COMMD1: variants seen among roughly 807,000 people sequenced by gnomAD.
COMMD1 encodes copper metabolism domain containing 1, also known as COMM domain-containing protein 1.
A neutral mutation model predicts 17.2 loss-of-function variants in COMMD1; 10 were observed. The observed-to-expected ratio is 0.58, with a 90% confidence interval of 0.36 to 0.99. The LOEUF (loss-of-function observed/expected upper bound fraction) is 0.99. COMMD1 is among the 50% of genes least tolerant of loss of function. The pLI, the probability that COMMD1 is intolerant of heterozygous loss-of-function variation, is 0.01. For missense variants in COMMD1, 270 were observed against 231.8 expected (o/e 1.17, Z -1.07); for synonymous variants, 97 against 91.6 (o/e 1.06, Z -0.34).
chr2:61,955,170 A>G (rs544763452), intron 1 of COMMD1, among the ~76,000 whole-genome samples: 13 of 151,996 alleles, frequency 8.6e-5, no homozygotes, highest in African/African-American at 3.1e-4. Context: ...AATCATTCCC[A>G]TATTTCTTTG....
chr2:62,009,755 C>T (rs569165795), intron 2 of COMMD1, among the ~76,000 whole-genome samples: 1 of 151,890 alleles, frequency 6.6e-6, no homozygotes, highest in African/African-American at 2.4e-5. Flanking sequence ...TGTAAACATA[C>T]TTTGTGGAGA....
In COMMD1 at chr2:62,019,023, T is replaced by TTCCCTCCC. The variant is rs201583202; in HGVS notation, c.462+18057_462+18064dup. Among the ~76,000 whole-genome samples the TTCCCTCCC allele has an allele frequency of 1.2e-4, 16 of 129,416 alleles. 1 individual carries two copies. Among genetic ancestry groups the TTCCCTCCC allele is most frequent in the African/African-American group, 4.6e-4 (12 of 25,874 alleles). The allele number at this position is 129,416 out of a possible 152,430, so 84.9% of individuals were successfully genotyped here. A position where few individuals can be genotyped will look rare whatever the true frequency, so the allele number is the denominator to read the frequency against. On this transcript the variant is annotated intron_variant, in intron 2 of 2. Transcript: ENST00000311832. ...CCACTCCTACAACCAACCAACCAAC[T>TTCCCTCCC]TCCCTCCCTCCCTCCCTCCCTCCTT...
At chr2:61,990,478 A>G (rs529299102) in intron 1 of COMMD1, among the ~76,000 whole-genome samples, 1 of 152,194 alleles carries the variant, frequency 6.6e-6, no homozygotes, top group Non-Finnish European at 1.5e-5. Flanking sequence ...CTTTGAGTCC[A>G]GGAGTTCAAG....
intron 2 of COMMD1, among the ~76,000 whole-genome samples, chr2:62,088,654 C>G (rs1015812006): frequency 1.3e-5 from 2 of 152,206 alleles, no homozygotes; most frequent in East Asian, 1.9e-4. Flanking sequence ...TCATTTACCT[C>G]TAGTCCTTCA....
intron 2 of COMMD1, among the ~76,000 whole-genome samples, chr2:62,122,576 G>A (rs547472070): frequency 6.6e-6 from 1 of 152,098 alleles, no homozygotes; most frequent in East Asian, 1.9e-4. Context: ...AAAGAATAGT[G>A]ATTACTCTTG....
chr2:61,957,365 A>G (rs988361515), intron 1 of COMMD1, among the ~76,000 whole-genome samples: 2 of 152,132 alleles, frequency 1.3e-5, no homozygotes, highest in African/African-American at 2.4e-5. Flanking sequence ...CATCAATTCC[A>G]TGAAACTATA....
At chr2:61,973,325 A>T (rs1671702077) in intron 1 of COMMD1, among the ~76,000 whole-genome samples, 1 of 152,204 alleles carries the variant, frequency 6.6e-6, no homozygotes, top group Non-Finnish European at 1.5e-5. Flanking sequence ...TTTTATAGAT[A>T]ATGCCAAAAT....
At chr2:61,963,891 C>G (rs914194603) in intron 1 of COMMD1, among the ~76,000 whole-genome samples, 1 of 152,180 alleles carries the variant, frequency 6.6e-6, no homozygotes, top group African/African-American at 2.4e-5. Flanking sequence ...TCAGTTGTGC[C>G]TGAGATCCTT....
chr2:62,012,942 C>T lies in COMMD1; in HGVS notation c.462+11960C>T, dbSNP rs569896530. 3.3e-5 allele frequency among the ~76,000 whole-genome samples: 5 copies of T among 152,152 alleles called. No individual in the cohort carries two copies. The South Asian group carries it at 1.0e-3, about 32-fold the overall frequency. On this transcript the variant is annotated intron_variant, in intron 2 of 2. Transcript: ENST00000311832. ...GCTTTGAATGACAAGAAGGAGGCAG[C>T]CCCAGGAAGATCTGGGGGCACAAAA...
intron 2 of COMMD1, among the ~76,000 whole-genome samples, chr2:62,054,767 C>T (rs545668042): frequency 6.6e-5 from 10 of 152,126 alleles, no homozygotes; most frequent in African/African-American, 2.4e-4. Context: ...TACAATTTAC[C>T]TTATTTGGGT....
intron 1 of COMMD1, among the ~76,000 whole-genome samples, chr2:61,910,258 C>CA (rs1176475926): frequency 6.6e-6 from 1 of 151,772 alleles, no homozygotes; most frequent in African/African-American, 2.4e-5. Flanking sequence ...ACTGCCCCCC[C>CA]CTTTTTTTTT....
intron 2 of COMMD1, among the ~76,000 whole-genome samples, chr2:62,051,666 C>G (rs1234843991): frequency 6.6e-6 from 1 of 152,138 alleles, no homozygotes; most frequent in African/African-American, 2.4e-5. Context: ...TTAGGTCTGA[C>G]TCTTTCAGGA....
At position 62,002,477 on chromosome 2, in the gene COMMD1, G is replaced by A. The variant is rs1481303322; in HGVS notation, c.462+1495G>A. On this transcript the variant is annotated intron_variant, in intron 2 of 2. Transcript: ENST00000311832. ...CTGCACTCCAGCCTGGGTGACAAGA[G>A]CGAGATTCCACCAGAAAAAAAAAAA... is the stretch of plus-strand genomic sequence containing the variant. Among the ~76,000 whole-genome samples the A allele has an allele frequency of 6.7e-5, 7 of 104,032 alleles. No individual in the cohort carries two copies. In the South Asian group the frequency reaches 2.5e-3, roughly 37 times the overall value. 68.2% of individuals were successfully genotyped at this position (104,032 alleles called of 152,430 possible). A position where few individuals can be genotyped will look rare whatever the true frequency, so the allele number is the denominator to read the frequency against.
At chr2:62,104,144 G>C (rs1020028189) in intron 2 of COMMD1, among the ~76,000 whole-genome samples, 5 of 152,100 alleles carry the variant, frequency 3.3e-5, no homozygotes, top group Non-Finnish European at 5.9e-5. Flanking sequence ...CAGCCCATTA[G>C]AATTCTTTTT....
chr2:62,096,231 A>G (rs541426087), intron 2 of COMMD1, among the ~76,000 whole-genome samples: 218 of 152,268 alleles, frequency 1.4e-3, no homozygotes, highest in African/African-American at 5.0e-3. Flanking sequence ...TGAAAACAAA[A>G]TGTTAAGATT....
chr2:62,007,450 C>G (rs183097414), intron 2 of COMMD1, among the ~76,000 whole-genome samples: 1 of 152,228 alleles, frequency 6.6e-6, no homozygotes, highest in African/African-American at 2.4e-5. Context: ...TTCTAAATTT[C>G]TTTTGAAATA....
intron 1 of COMMD1, among the ~76,000 whole-genome samples, chr2:61,959,112 T>G (rs1038940616): frequency 6.6e-6 from 1 of 152,238 alleles, no homozygotes; most frequent in African/African-American, 2.4e-5. Flanking sequence ...CTTAAGAGTG[T>G]TTACATCTCC....
chr2:62,093,487 C>A (rs536001761), intron 2 of COMMD1, among the ~76,000 whole-genome samples: 1 of 151,954 alleles, frequency 6.6e-6, no homozygotes, highest in Admixed American at 6.6e-5. Flanking sequence ...TTTGTTAGAC[C>A]CTATCCATAA....
chr2:61,927,068 A>G (rs1670346063), intron 1 of COMMD1, among the ~76,000 whole-genome samples: 1 of 152,224 alleles, frequency 6.6e-6, no homozygotes, highest in African/African-American at 2.4e-5. Context: ...GGTTGGTTTT[A>G]TAGGCAGAAA....
Sources: gnomAD v4.1 joint callset for allele counts (sites outside exome capture counted in the v4.1 genomes callset) on GRCh38, gnomAD v4.1.1 for gene constraint, MANE v1.5 for transcripts, NCBI Gene and HGNC (gene_info 2026-07-23, HGNC 2026-07-21) for gene names.